The following MYO1F variants were observed in gnomAD, a reference collection of about 807,000 sequenced individuals.
MYO1F encodes unconventional myosin-If.
A neutral mutation model predicts 146.6 loss-of-function variants in MYO1F; 60 were observed. The observed-to-expected ratio is 0.41, with a 90% CI of 0.33 to 0.51. The LOEUF (loss-of-function observed/expected upper bound fraction) is 0.51. MYO1F is among the 20% of genes least tolerant of loss of function. The pLI is 0.25. For missense variants in MYO1F, 1,274 were observed against 1,534.3 expected, an observed-to-expected ratio of 0.83 and a Z score of 2.83; for synonymous variants, 602 against 602.1, an observed-to-expected ratio of 1.00 and a Z score of 0.00.
chr19:8,577,114 C>A lies in MYO1F; in HGVS notation c.3+193G>T. On this transcript the variant is annotated intron_variant, in intron 1 of 27. Transcript: ENST00000644032. The surrounding 1 kb of genome is among the most constrained non-coding windows in gnomAD (Gnocchi z 4.3). ...GATACCACCCTGGCATCCCCACCAC[C>A]TACAGATGGGAGCTTGCTCCCTGGT... is the stretch of plus-strand genomic sequence containing the variant. 1.4e-6 allele frequency: 1 copy of A among 690,786 alleles called. No homozygotes were observed. Among genetic ancestry groups the A allele is most frequent in the Non-Finnish European group, 2.6e-6 (1 of 388,452 alleles). 42.8% of individuals were successfully genotyped at this position (690,786 alleles called of 1,614,324 possible).
Position 8,552,785 on chromosome 19 carries a change from C to T in MYO1F, c.504+354G>A, listed in dbSNP as rs964693801. On this transcript the variant is annotated intron_variant, in intron 6 of 27. Transcript: ENST00000644032. The stretch of plus-strand genomic sequence containing the variant: ...CTATCCTGACTTTCACTGGGCCCAG[C>T]GCAGCACCCACACAAAGAACGAGTC... Among the ~76,000 whole-genome samples the T allele has an allele frequency of 4.6e-5, 7 of 152,016 alleles. 1 individual carries two copies. The highest frequency in any genetic ancestry group is 7.2e-5 in the African/African-American group (3 of 41,390).
At chr19:8,574,577 T>TTC (rs369077601) in intron 1 of MYO1F, among the ~76,000 whole-genome samples, 117 of 79,782 alleles carry the variant, frequency 1.5e-3, no homozygotes, top group South Asian at 2.4e-3. Context: ...CTTTCTTTCT[T>TTC]TCTCTCTCTC....
rs2042232500 is a variant in MYO1F, at chr19:8,575,982, G to A, written c.3+1325C>T. On this transcript the variant is annotated intron_variant, in intron 1 of 27. Coordinates refer to ENST00000644032, the MANE Select transcript of MYO1F (RefSeq NM_012335.4). ...AGCTGATGGTTTGGGTGTGAATTCC[G>A]GGATGCCCAATTTCTCATCAGCTTT... Among the ~76,000 whole-genome samples the A allele has an allele frequency of 2.0e-5, 3 of 152,120 alleles. No individual in the cohort carries two copies. The South Asian group carries it at 6.2e-4, about 32-fold the overall frequency.
intron 12 of MYO1F, among the ~76,000 whole-genome samples, chr19:8,547,453 A>G (rs896413682): frequency 3.3e-5 from 5 of 151,132 alleles, no homozygotes; most frequent in Admixed American, 1.3e-4. Context: ...AAAATACAAA[A>G]ATTAGCTGGG....
intron 21 of MYO1F, chr19:8,529,784 G>A (rs543126900): frequency 5.7e-6 from 2 of 352,632 alleles, no homozygotes; most frequent in Admixed American, 4.2e-5. Flanking sequence ...GGACAGCTGT[G>A]TCTGCTATAC....
At chr19:8,525,452 A>T (rs1335942782) in intron 25 of MYO1F, 27 bp downstream of exon 25, 1 of 1,599,116 alleles carries the variant, frequency 6.3e-7, no homozygotes, top group African/African-American at 1.3e-5. Context: ...CAGACAAGGG[A>T]ATATAGCAAG....
rs1391143028 is a variant in MYO1F at position 8,527,196 on chromosome 19, T to A, written c.2474+142A>T. 2.5e-6 allele frequency: 3 copies of A among 1,207,790 alleles called. No homozygotes were observed. The African/African-American group carries it at 4.6e-5, about 18-fold the overall frequency. 74.8% of individuals were successfully genotyped at this position (1,207,790 alleles called of 1,614,324 possible). A position where few individuals can be genotyped will look rare whatever the true frequency, so the allele number is the denominator to read the frequency against. ...AAGGATCATGAGCATAGGGGGCAGGTGAACATGACAGGTGGGGCCAACAGA... is the reference window on the plus strand; with the variant it reads ...AAGGATCATGAGCATAGGGGGCAGGAGAACATGACAGGTGGGGCCAACAGA... On this transcript the variant is annotated intron_variant, in intron 22 of 27. Coordinates refer to ENST00000644032, the MANE Select transcript of MYO1F (RefSeq NM_012335.4).
rs1973770529 is a variant in MYO1F, at chr19:8,554,683, C to T, written c.202G>A (p.Asp68Asn). 8.7e-6 allele frequency: 14 copies of T among 1,613,880 alleles called. No homozygotes were observed. The highest frequency in any genetic ancestry group is 1.1e-5 in the Non-Finnish European group (13 of 1,179,982). ...CCCTGATAGAGGTCGATCTCACGGT[C>T]GGTGAAGTAGGGCATCTGCTTGAAG... ...NPFKQMPYFTDREIDLYQGAA... is the reference protein window; with the variant it reads ...NPFKQMPYFTNREIDLYQGAA... The change falls in exon 3 of 28, where the codon GAC becomes AAC. Residue 68 changes from aspartate to asparagine, a missense_variant. Asp to Asn is a conservative substitution (Grantham distance 23). Around this residue, in one of 2 missense-constraint regions of MYO1F, gnomAD observed 900 missense variants for 1,155.1 expected, o/e 0.78. Transcript: ENST00000644032.
chr19:8,544,775 G>GTATT (rs1316085378), intron 13 of MYO1F, among the ~76,000 whole-genome samples: 9 of 151,912 alleles, frequency 5.9e-5, no homozygotes, highest in Admixed American at 6.6e-5. Context: ...CCTGCCTTAT[G>GTATT]TATTTATTTA....
In MYO1F at chr19:8,551,812, ATAG is replaced by A. The variant is rs759779809; in HGVS notation, c.696_698del (p.Tyr235del). 1.9e-6 allele frequency: 3 copies of A among 1,613,922 alleles called. No individual in the cohort carries two copies. Among genetic ancestry groups the A allele is most frequent in the South Asian group, 1.1e-5 (1 of 91,080 alleles). On this transcript the variant is annotated inframe_deletion, in exon 8 of 28. Coordinates refer to ENST00000644032, the MANE Select transcript of MYO1F (RefSeq NM_012335.4). ...AGGTGTCCGATTGGTTGAGGTAGTA[ATAG>A]TAGTCCGGTGTCATGAGGCCCAGGT...
At chr19:8,551,956 C>T (rs755017527) in intron 7 of MYO1F, 77 bp downstream of exon 7, 4 of 1,613,858 alleles carry the variant, frequency 2.5e-6, no homozygotes, top group Non-Finnish European at 3.4e-6. Context: ...CCATGCCCCC[C>T]TAGGTGTTTA....
chr19:8,531,497 A>G (rs1455728991), intron 19 of MYO1F, among the ~76,000 whole-genome samples: 1 of 151,630 alleles, frequency 6.6e-6, no homozygotes, highest in Non-Finnish European at 1.5e-5. Context: ...TACAGCTGTG[A>G]GCCACCATGC....
chr19:8,553,384 A>T lies in MYO1F; in HGVS notation c.380T>A (p.Ile127Asn). The T allele has an allele frequency of 6.2e-7, 1 of 1,613,962 alleles. No individual in the cohort carries two copies. Among genetic ancestry groups the T allele is most frequent in the Non-Finnish European group, 8.5e-7 (1 of 1,179,988 alleles). Reference sequence around the variant, plus strand: ...CTCGCCTCCGCCAGACACCTTGGAGATGTAGCCCATGATATATTTGGCTGC... The same window carrying T: ...CTCGCCTCCGCCAGACACCTTGGAGTTGTAGCCCATGATATATTTGGCTGC... ...TVAAKYIMGY[I>N]SKVSGGGEKV... Residue 127 changes from isoleucine to asparagine, a missense_variant, in exon 5 of 28, where the codon ATC (isoleucine) becomes AAC (asparagine). Ile to Asn is a moderately radical substitution (Grantham distance 149). Coordinates refer to ENST00000644032, the MANE Select transcript of MYO1F (RefSeq NM_012335.4).
intron 1 of MYO1F, among the ~76,000 whole-genome samples, chr19:8,562,248 G>A (rs935258730): frequency 6.6e-5 from 10 of 151,226 alleles, no homozygotes; most frequent in African/African-American, 2.0e-4. Flanking sequence ...TTACCCGCCC[G>A]CCTTGGCCTC....
intron 1 of MYO1F, among the ~76,000 whole-genome samples, chr19:8,564,511 C>T (rs1167090188): frequency 6.6e-6 from 1 of 152,030 alleles, no homozygotes; most frequent in African/African-American, 2.4e-5. Context: ...CACAGACTGG[C>T]TGAGTAGGAA....
At chr19:8,542,118 AGT>A in intron 14 of MYO1F, 127 bp from the exon 15 acceptor site, 1 of 676,104 alleles carries the variant, frequency 1.5e-6, no homozygotes, top group South Asian at 1.5e-5. Context: ...AGGATCAGGC[AGT>A]GTCTACAGCG....
chr19:8,555,099 C>A (rs918942631), intron 2 of MYO1F, among the ~76,000 whole-genome samples: 1 of 151,880 alleles, frequency 6.6e-6, no homozygotes, highest in Non-Finnish European at 1.5e-5. Context: ...GGAGGAGAAT[C>A]GCTTGAACCT....
chr19:8,529,781 T>A, intron 21 of MYO1F: 1 of 342,408 alleles, frequency 2.9e-6, no homozygotes, highest in Non-Finnish European at 5.7e-6. Flanking sequence ...GATGGACAGC[T>A]GTGTCTGCTA....
In MYO1F at chr19:8,536,238, T is replaced by TCAAA. The variant is rs749302245; in HGVS notation, c.2043+10_2043+13dup. 3.8e-4 allele frequency: 613 copies of TCAAA among 1,602,682 alleles called. 8 individuals are homozygous for TCAAA. In the South Asian group the frequency reaches 6.5e-3, roughly 17 times the overall value. ...TCCCCTCTCCTTCTCTGCCTGTCCC[T>TCAAA]CAAACACACTCACCGACTCTGGGTT... is the stretch of plus-strand genomic sequence containing the variant. On this transcript the variant is annotated intron_variant, in intron 19 of 27. Coordinates refer to ENST00000644032, the MANE Select transcript of MYO1F (RefSeq NM_012335.4).
Sources: gnomAD v4.1 joint callset for allele counts (sites outside exome capture counted in the v4.1 genomes callset) on GRCh38, gnomAD v4.1.1 for gene constraint, gnomAD v4.1.1 regional missense constraint, Gnocchi (gnomAD v3.1) non-coding constraint, MANE v1.5 for transcripts, NCBI Gene and HGNC (gene_info 2026-07-23, HGNC 2026-07-21) for gene names.